The following PPM1B variants were observed in gnomAD, a reference collection of about 807,000 sequenced individuals.
PPM1B encodes the protein protein phosphatase 1B.
In PPM1B, 22 loss-of-function variants were observed where a neutral mutation model predicts 43.0. The ratio of observed to expected loss-of-function variants is 0.51; its 90% CI spans 0.37 to 0.73. PPM1B has a LOEUF of 0.73. PPM1B is among the 30% of genes least tolerant of loss of function. The pLI, the probability that PPM1B is intolerant of heterozygous loss-of-function variation, is 0.00. For synonymous variants in PPM1B, 217 were observed against 197.9 expected, an observed-to-expected ratio of 1.10 and a Z score of -0.81; for missense variants, 632 against 584.2, an observed-to-expected ratio of 1.08 and a Z score of -0.84.
intron 1 of PPM1B, among the ~76,000 whole-genome samples, chr2:44,185,833 TAAAC>T (rs1281602814): frequency 6.6e-6 from 1 of 152,228 alleles, no homozygotes; most frequent in Non-Finnish European, 1.5e-5. Flanking sequence ...AAATATCTCT[TAAAC>T]AATTATTCAA....
downstream of PPM1B, chr2:44,233,984 A>G (rs921836647): frequency 3.0e-6 from 3 of 985,254 alleles, no homozygotes; most frequent in Non-Finnish European, 2.4e-6. Context: ...AGTACTTCCC[A>G]GTATGATATT....
At chr2:44,190,206 A>G (rs1668343891) in intron 1 of PPM1B, among the ~76,000 whole-genome samples, 1 of 138,282 alleles carries the variant, frequency 7.2e-6, no homozygotes, top group African/African-American at 2.8e-5. Context: ...CCCAGGCTGG[A>G]GTGCAATGGC....
At chr2:44,235,344 C>G (rs1012960546), downstream of PPM1B, among the ~76,000 whole-genome samples, 1 of 152,148 alleles carries the variant, frequency 6.6e-6, no homozygotes, top group African/African-American at 2.4e-5. Context: ...TGATTCATGC[C>G]TGTAATCCCA....
In PPM1B at chr2:44,211,464, T is replaced by A. The variant is rs143574249; in HGVS notation, c.964+2137T>A. On this transcript the variant is annotated intron_variant, in intron 3 of 5. Transcript: ENST00000282412. Reference sequence around the variant, plus strand: ...GGAAGTGATTCTAGATTCTTCTCAGTGCATCACAATCAGGGAGGCATGTGA... The same window carrying A: ...GGAAGTGATTCTAGATTCTTCTCAGAGCATCACAATCAGGGAGGCATGTGA... Among the ~76,000 whole-genome samples, 347 of 152,320 alleles carry A rather than the reference T, an allele frequency of 2.3e-3. 3 individuals carry two copies. Among genetic ancestry groups the A allele is most frequent in the African/African-American group, 8.0e-3 (332 of 41,580 alleles).
chr2:44,198,826 A>G (rs1046143934), intron 1 of PPM1B, among the ~76,000 whole-genome samples: 1 of 151,640 alleles, frequency 6.6e-6, no homozygotes, highest in South Asian at 2.1e-4. Context: ...AGGGCTGGTA[A>G]AAGTGCAGGT....
chr2:44,222,072 G>T (rs1670003378), intron 5 of PPM1B, among the ~76,000 whole-genome samples: 1 of 152,020 alleles, frequency 6.6e-6, no homozygotes, highest in African/African-American at 2.4e-5. Flanking sequence ...AAAATTTCCA[G>T]AAAAAGCAAA....
At chr2:44,172,920 A>G (rs1572675754) in intron 1 of PPM1B, among the ~76,000 whole-genome samples, 1 of 152,250 alleles carries the variant, frequency 6.6e-6, no homozygotes, top group Non-Finnish European at 1.5e-5. Context: ...TTTTTAAAAA[A>G]TTCTGATGTG....
intron 5 of PPM1B, among the ~76,000 whole-genome samples, chr2:44,223,508 C>T (rs2104244647): frequency 6.6e-6 from 1 of 151,904 alleles, no homozygotes; most frequent in East Asian, 1.9e-4. Context: ...TGGAGAAGAC[C>T]TATACTGTTT....
intron 5 of PPM1B, among the ~76,000 whole-genome samples, chr2:44,221,373 A>G (rs994627738): frequency 2.0e-5 from 3 of 152,142 alleles, no homozygotes; most frequent in South Asian, 2.1e-4. Flanking sequence ...GCAGAAGGAG[A>G]GAGAATGAAG....
intron 2 of PPM1B, among the ~76,000 whole-genome samples, chr2:44,203,318 G>T (rs1044837877): frequency 1.3e-5 from 2 of 152,072 alleles, no homozygotes; most frequent in African/African-American, 4.8e-5. Flanking sequence ...AAGAAGTATT[G>T]ATGGTTGTCA....
chr2:44,193,583 T>A (rs1457118807), intron 1 of PPM1B, among the ~76,000 whole-genome samples: 1 of 144,802 alleles, frequency 6.9e-6, no homozygotes, highest in Admixed American at 6.8e-5. Flanking sequence ...TTCTTTTTTT[T>A]TTTTTTTTTT....
intron 5 of PPM1B, 115 bp from the exon 6 acceptor site, chr2:44,230,298 C>G: frequency 6.6e-7 from 1 of 1,511,136 alleles, no homozygotes; most frequent in East Asian, 2.3e-5. Context: ...TGTTCTCATG[C>G]TTAGACTATA....
intron 2 of PPM1B, 86 bp from the exon 3 acceptor site, chr2:44,209,124 A>C (rs1050089662): frequency 4.2e-6 from 5 of 1,182,384 alleles, no homozygotes; most frequent in Non-Finnish European, 2.3e-6. Context: ...TGATTAAATA[A>C]ACTATAATTG....
intron 3 of PPM1B, among the ~76,000 whole-genome samples, chr2:44,215,038 ATAGT>A (rs1390431084): frequency 1.3e-5 from 2 of 152,188 alleles, no homozygotes; most frequent in Non-Finnish European, 2.9e-5. Context: ...TTTCTTCTGC[ATAGT>A]TAGTAACTTT....
intron 1 of PPM1B, among the ~76,000 whole-genome samples, chr2:44,179,155 C>G (rs1234193063): frequency 6.6e-6 from 1 of 152,156 alleles, no homozygotes; most frequent in African/African-American, 2.4e-5. Context: ...CACAAGCTCT[C>G]TCTTTGCCTG....
chr2:44,217,063 T>C (rs973949019), intron 3 of PPM1B, among the ~76,000 whole-genome samples: 1 of 151,234 alleles, frequency 6.6e-6, no homozygotes, highest in Non-Finnish European at 1.5e-5. Flanking sequence ...GTAGTGGAAG[T>C]CAACGTAAGG....
rs1331333361 is a variant in PPM1B at position 44,168,940 on chromosome 2, C to T, written c.-349C>T. 1 of 153,830 alleles carries T rather than the reference C, an allele frequency of 6.5e-6. No individual in the cohort carries two copies. The highest frequency in any genetic ancestry group is 1.5e-5 in the Non-Finnish European group (1 of 68,418). The allele number at this position is 153,830 out of a possible 1,614,324, so 9.5% of individuals were successfully genotyped here. A position where few individuals can be genotyped will look rare whatever the true frequency, so the allele number is the denominator to read the frequency against. On this transcript the variant is annotated 5_prime_UTR_variant, in exon 1 of 6. Coordinates refer to ENST00000282412, the MANE Select transcript of PPM1B (RefSeq NM_002706.6). The stretch of plus-strand genomic sequence containing the variant: ...CCGCCGGTGCTCTGACGGCCTCGTT[C>T]CCCTAGCAGTTGCGGGGGAGTTTCC...
intron 1 of PPM1B, among the ~76,000 whole-genome samples, chr2:44,189,343 C>A (rs1422635965): frequency 6.6e-6 from 1 of 152,228 alleles, no homozygotes; most frequent in Non-Finnish European, 1.5e-5. Context: ...GTTTCACCCT[C>A]ATTCTTACTT....
intron 5 of PPM1B, among the ~76,000 whole-genome samples, chr2:44,219,617 C>T (rs1244822136): frequency 6.6e-6 from 1 of 152,024 alleles, no homozygotes; most frequent in Non-Finnish European, 1.5e-5. Context: ...GATTCTGAGT[C>T]TTTTTTTGTG....
Sources: allele counts gnomAD v4.1 joint callset (sites outside exome capture counted in the v4.1 genomes callset), GRCh38; gene constraint gnomAD v4.1.1; transcripts MANE v1.5; gene names NCBI Gene and HGNC (gene_info 2026-07-23, HGNC 2026-07-21).